Variants in TG observed in about 807,000 individuals in gnomAD.
TG encodes thyroid hormones.
TG carries 270 observed loss-of-function variants against 324.7 expected under a neutral mutation model. The ratio of observed to expected loss-of-function variants is 0.83; its 90% CI spans 0.75 to 0.92. TG has a LOEUF of 0.92. Among genes scored for constraint, TG ranks in the 40% least tolerant of loss-of-function variants. The pLI is 0.00. For synonymous variants in TG, 1,401 were observed against 1,327.0 expected (o/e 1.06, Z -1.21); for missense variants, 3,591 against 3,456.4 (o/e 1.04, Z -0.98).
rs139864830 is a variant in TG, at chr8:133,024,295, G to A, written c.7036+2145G>A. ...CAGTGTCTGTCTTTTGCATTCATTA[G>A]CCACAGGCCATTTTCTTTCTTTCTT... On this transcript the variant is annotated intron_variant, in intron 40 of 47. Coordinates refer to ENST00000220616, the MANE Select transcript of TG (RefSeq NM_003235.5). 5.3e-3 allele frequency among the ~76,000 whole-genome samples: 793 copies of A among 150,278 alleles called. 7 individuals carry two copies. The highest frequency in any genetic ancestry group is 8.5e-3 in the Non-Finnish European group (572 of 67,518).
At chr8:133,000,285 A>G (rs1235274043) in intron 35 of TG, among the ~76,000 whole-genome samples, 3 of 152,172 alleles carry the variant, frequency 2.0e-5, no homozygotes, top group Admixed American at 6.5e-5. Context: ...TGCATGACTC[A>G]TTGGGGTAAA....
intron 41 of TG, chr8:133,050,829 G>C (rs781500964): frequency 6.2e-7 from 1 of 1,606,834 alleles, no homozygotes; most frequent in South Asian, 1.1e-5. Flanking sequence ...GAAATCACAC[G>C]CAGTTTCTCC....
chr8:133,102,217 G>C (rs1337945273), intron 43 of TG, among the ~76,000 whole-genome samples: 1 of 152,202 alleles, frequency 6.6e-6, no homozygotes, highest in Non-Finnish European at 1.5e-5. Flanking sequence ...CACCTCAGCT[G>C]ACCTGAGACC....
intron 41 of TG, among the ~76,000 whole-genome samples, chr8:133,069,494 TCCTCCTTAGCTCCTGTTC>T (rs1843624460): frequency 6.6e-6 from 1 of 151,030 alleles, no homozygotes; most frequent in African/African-American, 2.5e-5. Flanking sequence ...ATTAATGTGC[TCCTCCTTAGCTCCTGTTC>T]CCTCCTTAGC....
chr8:132,889,406 T>C (rs1161951502), intron 10 of TG, among the ~76,000 whole-genome samples: 2 of 152,250 alleles, frequency 1.3e-5, no homozygotes, highest in Non-Finnish European at 2.9e-5. Context: ...TAGACTATTT[T>C]GATATTAGCC....
At chr8:133,053,869 C>T (rs577799137) in intron 41 of TG, among the ~76,000 whole-genome samples, 66 of 152,302 alleles carry the variant, frequency 4.3e-4, no homozygotes, top group African/African-American at 2.4e-5. Context: ...GGCACTTAAA[C>T]ATCACTGAGG....
At chr8:132,927,524 T>C (rs1479002853) in intron 22 of TG, among the ~76,000 whole-genome samples, 5 of 152,264 alleles carry the variant, frequency 3.3e-5, no homozygotes, top group Non-Finnish European at 7.3e-5. Flanking sequence ...TGGGAAATTA[T>C]ACCAACAGAA....
At chr8:132,949,027 C>T in intron 27 of TG, 84 bp downstream of exon 27, 1 of 1,324,794 alleles carries the variant, frequency 7.5e-7, no homozygotes, top group Non-Finnish European at 1.1e-6. Flanking sequence ...ATGAGCCCTC[C>T]TTGTGGCCTG....
chr8:132,901,645 G>C (rs529549205), intron 16 of TG, 92 bp downstream of exon 16: 246 of 1,398,864 alleles, frequency 1.8e-4, no homozygotes, highest in Middle Eastern at 1.0e-3. Flanking sequence ...GGGAAGGCAG[G>C]GGTGGGAGGG....
chr8:133,052,672 A>G (rs547493967), intron 41 of TG, among the ~76,000 whole-genome samples: 1 of 152,366 alleles, frequency 6.6e-6, no homozygotes, highest in South Asian at 2.1e-4. Flanking sequence ...CACAAAGGGC[A>G]GGTTCACATT....
chr8:132,911,354 T>C, intron 18 of TG, 23 bp from the exon 19 acceptor site: 1 of 1,614,192 alleles, frequency 6.2e-7, no homozygotes, highest in Non-Finnish European at 8.5e-7. Flanking sequence ...GTTCTTGAGC[T>C]GAAAGTGTCT....
intron 28 of TG, 81 bp from the exon 29 acceptor site, chr8:132,962,913 C>A: frequency 7.5e-7 from 1 of 1,337,488 alleles, no homozygotes; most frequent in Non-Finnish European, 1.1e-6. Flanking sequence ...ATTTTTCTCA[C>A]ATTGCTACTA....
chr8:132,934,405 C>T (rs1453055479), intron 24 of TG, among the ~76,000 whole-genome samples: 3 of 152,170 alleles, frequency 2.0e-5, no homozygotes, highest in Non-Finnish European at 4.4e-5. Flanking sequence ...AACCACATAA[C>T]ATTGCTGTTC....
intron 41 of TG, among the ~76,000 whole-genome samples, chr8:133,056,704 A>T (rs761955948): frequency 2.6e-5 from 4 of 152,228 alleles, no homozygotes; most frequent in Non-Finnish European, 5.9e-5. Context: ...CTGCATATGT[A>T]AAGCACTGGG....
intron 45 of TG, among the ~76,000 whole-genome samples, chr8:133,128,382 C>CACACACACACAG (rs1270700620): frequency 1.6e-4 from 24 of 149,272 alleles, no homozygotes; most frequent in African/African-American, 5.7e-4. Context: ...CACACACACA[C>CACACACACACAG]AGTCATCCGC....
At chr8:133,068,665 C>T (rs1034309619) in intron 41 of TG, among the ~76,000 whole-genome samples, 3 of 152,196 alleles carry the variant, frequency 2.0e-5, no homozygotes, top group African/African-American at 4.8e-5. Context: ...ACGCAAGGGG[C>T]TCAGTGACCC....
At chr8:132,954,375 T>A (rs1826555552) in intron 27 of TG, among the ~76,000 whole-genome samples, 1 of 152,206 alleles carries the variant, frequency 6.6e-6, no homozygotes, top group Admixed American at 6.5e-5. Flanking sequence ...GAGACAAAGA[T>A]TCAGGAGTGT....
At chr8:132,978,692 G>A (rs544587999) in intron 34 of TG, among the ~76,000 whole-genome samples, 9 of 152,130 alleles carry the variant, frequency 5.9e-5, no homozygotes, top group Admixed American at 1.3e-4. Flanking sequence ...AGAAAGGGAA[G>A]TGGGGTGAAG....
intron 26 of TG, among the ~76,000 whole-genome samples, 198 bp downstream of exon 26, chr8:132,941,740 C>CA (rs1824476833): frequency 6.6e-6 from 1 of 152,218 alleles, no homozygotes; most frequent in African/African-American, 2.4e-5. Context: ...GTGCTGGCCC[C>CA]TTCACCTTGT....
Sources: allele counts gnomAD v4.1 joint callset (sites outside exome capture counted in the v4.1 genomes callset), GRCh38; gene constraint gnomAD v4.1.1; transcripts MANE v1.5; gene names NCBI Gene and HGNC (gene_info 2026-07-23, HGNC 2026-07-21).